Variants in CFH observed in about 807,000 individuals in gnomAD.
CFH encodes the protein H factor 1 (complement).
A neutral mutation model predicts 147.3 loss-of-function variants in CFH; 53 were observed. The ratio of observed to expected loss-of-function variants is 0.36; its 90% CI spans 0.29 to 0.45. The LOEUF (loss-of-function observed/expected upper bound fraction) is 0.45, where lower values mean the gene tolerates loss of function less well. Among genes scored for constraint, CFH ranks in the 20% least tolerant of loss-of-function variants. CFH has a pLI of 1.00. For missense variants in CFH, 1,380 were observed against 1,498.0 expected, an observed-to-expected ratio of 0.92 and a Z score of 1.30; for synonymous variants, 536 against 489.4, an observed-to-expected ratio of 1.10 and a Z score of -1.26.
rs373625289 is a variant in CFH at position 196,715,635 on chromosome 1, A to G, written c.1562A>G (p.Asn521Ser). The G allele has an allele frequency of 1.2e-6, 2 of 1,612,716 alleles. No individual in the cohort carries two copies. The highest frequency in any genetic ancestry group is 2.7e-5 in the African/African-American group (2 of 74,846). ...IPVFMNARTK[N>S]DFTWFKLNDT... Reference sequence around the variant, plus strand: ...GTATTTATGAATGCCAGAACTAAAAATGACTTCACATGGTTTAAGCTGAAT... The same window carrying G: ...GTATTTATGAATGCCAGAACTAAAAGTGACTTCACATGGTTTAAGCTGAAT... Residue 521 changes from asparagine (N) to serine (S), a missense_variant, in exon 11 of 22, where the codon AAT (asparagine) becomes AGT (serine). Asn to Ser is a conservative substitution (Grantham distance 46). Around this residue, in one of 4 missense-constraint regions of CFH, gnomAD observed 830 missense variants for 821.4 expected, o/e 1.01. Coordinates refer to ENST00000367429, the MANE Select transcript of CFH (RefSeq NM_000186.4).
chr1:196,665,952 A>C (rs146178949), intron 1 of CFH, among the ~76,000 whole-genome samples: 3 of 152,284 alleles, frequency 2.0e-5, no homozygotes, highest in African/African-American at 7.2e-5. Flanking sequence ...TTTCAATTTG[A>C]GGTAGTCCAA....
rs894673509 is a variant in CFH at position 196,736,881 on chromosome 1, C to T, written c.2471C>T (p.Thr824Ile). 1 of 1,605,646 alleles carries T rather than the reference C, an allele frequency of 6.2e-7. No homozygotes were observed. Residue 824 changes from threonine to isoleucine, a missense_variant, in exon 16 of 22, where the codon ACA becomes ATA. By Grantham distance (89) the Thr-to-Ile change is moderately conservative (BLOSUM62 -1). Transcript: ENST00000367429. ...CAGATTCCCAATTCTCACAATATGACAACCACACTGAATTATCGGGATGGA... is the reference window on the plus strand; with the variant it reads ...CAGATTCCCAATTCTCACAATATGATAACCACACTGAATTATCGGGATGGA... ...PPQIPNSHNM[T>I]TTLNYRDGEK...
intron 9 of CFH, among the ~76,000 whole-genome samples, chr1:196,709,425 C>G (rs1668672931): frequency 6.6e-6 from 1 of 152,148 alleles, no homozygotes; most frequent in Admixed American, 6.6e-5. Context: ...AATCCTGACT[C>G]TCTCTCTGTG....
intron 9 of CFH, among the ~76,000 whole-genome samples, chr1:196,698,119 C>T (rs1223342611): frequency 4.6e-5 from 7 of 151,844 alleles, no homozygotes; most frequent in East Asian, 1.9e-4. Flanking sequence ...CTAACCTGCA[C>T]GTAGTGCACA....
intron 9 of CFH, chr1:196,701,657 T>A: frequency 3.0e-6 from 1 of 332,980 alleles, no homozygotes; most frequent in Admixed American, 4.2e-5. Flanking sequence ...CAGGTCGAGG[T>A]CACTCTCTTT....
At chr1:196,723,896 C>A (rs993853629) in intron 11 of CFH, among the ~76,000 whole-genome samples, 1 of 152,006 alleles carries the variant, frequency 6.6e-6, no homozygotes, top group Non-Finnish European at 1.5e-5. Context: ...GTCTCCTTTG[C>A]GAGTGACCAC....
At chr1:196,718,830 A>G (rs564294412) in intron 11 of CFH, among the ~76,000 whole-genome samples, 2 of 152,196 alleles carry the variant, frequency 1.3e-5, no homozygotes, top group African/African-American at 4.8e-5. Flanking sequence ...TTGTACAAAG[A>G]CTTAGGATCA....
chr1:196,700,399 A>C (rs2149095854), intron 9 of CFH, among the ~76,000 whole-genome samples: 1 of 152,128 alleles, frequency 6.6e-6, no homozygotes, highest in Admixed American at 6.5e-5. Flanking sequence ...CACACCTGTA[A>C]TCCCAGCACT....
At chr1:196,724,006 TC>T (rs1669066606) in intron 11 of CFH, among the ~76,000 whole-genome samples, 1 of 151,922 alleles carries the variant, frequency 6.6e-6, no homozygotes, top group African/African-American at 2.4e-5. Context: ...TCTATACTCC[TC>T]CCTTGCAGAG....
chr1:196,725,245 T>C lies in CFH; in HGVS notation c.1821T>C (p.Asn607=), dbSNP rs200921441. 45 of 1,613,854 alleles carry C rather than the reference T, an allele frequency of 2.8e-5. No homozygotes were observed. Among genetic ancestry groups the C allele is most frequent in the Non-Finnish European group, 3.5e-5 (41 of 1,179,896 alleles). ...CAGGATTTACAATAGTTGGACCTAA[T>C]TCCGTTCAGTGCTACCACTTTGGAT... ...CKPGFTIVGP[N]SVQCYHFGLS... The change falls in exon 12 of 22, where the codon AAT becomes AAC. Residue 607 remains asparagine (N), a synonymous_variant. Transcript: ENST00000367429.
chr1:196,702,009 T>A (rs557379516), intron 9 of CFH, among the ~76,000 whole-genome samples: 2 of 152,270 alleles, frequency 1.3e-5, no homozygotes, highest in Admixed American at 6.5e-5. Context: ...AAATACCCTA[T>A]GTATAATGTT....
intron 12 of CFH, 58 bp from the exon 13 acceptor site, chr1:196,726,412 A>G: frequency 7.4e-7 from 1 of 1,344,630 alleles, no homozygotes; most frequent in African/African-American, 1.5e-5. Context: ...ATTTTACTGA[A>G]TTTTTATATT....
At chr1:196,741,493 A>G in intron 18 of CFH, 1 of 271,348 alleles carries the variant, frequency 3.7e-6, no homozygotes, top group Non-Finnish European at 7.1e-6. Flanking sequence ...ACCATGATCC[A>G]ATCACTTCCC....
chr1:196,652,705 T>C (rs902709831), intron 1 of CFH, among the ~76,000 whole-genome samples: 2 of 151,808 alleles, frequency 1.3e-5, no homozygotes, highest in Admixed American at 6.6e-5. Context: ...AAAAATATTA[T>C]ATAAATTTGA....
chr1:196,669,422 G>T (rs1043462142), intron 1 of CFH, among the ~76,000 whole-genome samples: 2 of 152,188 alleles, frequency 1.3e-5, no homozygotes, highest in African/African-American at 4.8e-5. Flanking sequence ...TCACAGGCCT[G>T]GTTGCCTCGG....
chr1:196,701,624 T>C, intron 9 of CFH: 1 of 438,176 alleles, frequency 2.3e-6, no homozygotes, highest in Non-Finnish European at 4.2e-6. Flanking sequence ...AATCTGACAA[T>C]CTCGTAACTA....
chr1:196,730,609 T>C (rs1176337878), intron 15 of CFH, among the ~76,000 whole-genome samples: 2 of 151,816 alleles, frequency 1.3e-5, no homozygotes, highest in Non-Finnish European at 1.5e-5. Context: ...TAAATTATTG[T>C]TTAAGTTTAA....
chr1:196,690,674 G>C (rs887477011), intron 9 of CFH, among the ~76,000 whole-genome samples: 6 of 152,100 alleles, frequency 3.9e-5, no homozygotes, highest in African/African-American at 1.4e-4. Context: ...GAGAGAGAGC[G>C]GCACCTGAAA....
chr1:196,700,934 T>C, intron 9 of CFH: 15 of 871,408 alleles, frequency 1.7e-5, no homozygotes, highest in Non-Finnish European at 2.1e-5. Context: ...CCCCATTTCC[T>C]TCTGTGTGTG....
Sources: allele counts gnomAD v4.1 joint callset (sites outside exome capture counted in the v4.1 genomes callset), GRCh38; gene constraint gnomAD v4.1.1; regional missense constraint gnomAD v4.1.1; transcripts MANE v1.5; gene names NCBI Gene and HGNC (gene_info 2026-07-23, HGNC 2026-07-21).